The following PDE1C variants were observed in gnomAD, a reference collection of about 807,000 sequenced individuals.
The protein encoded by PDE1C is phosphodiesterase 1C, also known as dual specificity calcium/calmodulin-dependent 3',5'-cyclic nucleotide phosphodiesterase 1C.
Under a neutral mutation model 93.1 loss-of-function variants are expected in PDE1C, and 62 were observed. The observed-to-expected ratio is 0.67, with a 90% CI of 0.54 to 0.82. The LOEUF is 0.82. Ranked by LOEUF, PDE1C falls within the 40% of genes least tolerant of loss-of-function variation. The pLI, the probability that PDE1C is intolerant of heterozygous loss-of-function variation, is 0.00. For missense variants in PDE1C, 742 were observed against 884.6 expected (o/e 0.84, Z 2.04); for synonymous variants, 325 against 310.1 (o/e 1.05, Z -0.50).
chr7:31,861,502 G>T (rs1464861128), intron 7 of PDE1C, among the ~76,000 whole-genome samples: 1 of 151,854 alleles, frequency 6.6e-6, no homozygotes, highest in Non-Finnish European at 1.5e-5. Flanking sequence ...GTCTACTACG[G>T]ATCTTAAACT....
At chr7:31,884,088 G>A (rs1271144408) in intron 2 of PDE1C, among the ~76,000 whole-genome samples, 2 of 152,182 alleles carry the variant, frequency 1.3e-5, no homozygotes, top group Admixed American at 1.3e-4. Context: ...CTTATGAGAT[G>A]AGCAGAAGAT....
At chr7:32,324,647 T>G (rs1161764275) in intron 1 of PDE1C, among the ~76,000 whole-genome samples, 1 of 152,048 alleles carries the variant, frequency 6.6e-6, no homozygotes, top group Non-Finnish European at 1.5e-5. Context: ...CTCCTCAGAG[T>G]CTTTAAGATG....
At chr7:31,825,200 G>C (rs920375106) in intron 12 of PDE1C, among the ~76,000 whole-genome samples, 1 of 152,120 alleles carries the variant, frequency 6.6e-6, no homozygotes, top group Non-Finnish European at 1.5e-5. Flanking sequence ...GTTCAATAAA[G>C]TGCCTAAGAA....
chr7:32,200,596 T>C (rs928255988), intron 2 of PDE1C, among the ~76,000 whole-genome samples: 1 of 152,258 alleles, frequency 6.6e-6, no homozygotes, highest in African/African-American at 2.4e-5. Context: ...CTACCCATTT[T>C]GCTCAAAAAC....
At position 32,427,893 on chromosome 7, in the gene PDE1C, TC is replaced by T; in HGVS notation, c.238del (p.Glu80SerfsTer6). ...CTCACGCTTCAGCACCGGGGACAGC[TC>T]CTGCCTCGCCAACTTCGGCAGCTCT... is the stretch of plus-strand genomic sequence containing the variant. On this transcript the variant is annotated frameshift_variant, in exon 1 of 2. Transcript: ENST00000672256. LOFTEE classifies it high-confidence loss of function. The T allele has an allele frequency of 6.6e-6, 1 of 152,346 alleles. No individual in the cohort carries two copies. The highest frequency in any genetic ancestry group is 2.4e-5 in the African/African-American group (1 of 41,554). 9.4% of individuals were successfully genotyped at this position (152,346 alleles called of 1,614,324 possible).
chr7:31,778,966 C>G (rs746337338), intron 16 of PDE1C, among the ~76,000 whole-genome samples: 3 of 152,162 alleles, frequency 2.0e-5, no homozygotes, highest in Non-Finnish European at 4.4e-5. Flanking sequence ...TCTTAACCAA[C>G]CCATTGTCTG....
At chr7:32,296,960 G>A (rs1355370901) in intron 1 of PDE1C, among the ~76,000 whole-genome samples, 2 of 152,192 alleles carry the variant, frequency 1.3e-5, no homozygotes, top group African/African-American at 4.8e-5. Context: ...TCAAGGCAGG[G>A]TGTGAGCTCC....
intron 2 of PDE1C, among the ~76,000 whole-genome samples, chr7:31,883,904 C>G (rs1319186518): frequency 1.3e-5 from 2 of 152,198 alleles, no homozygotes; most frequent in African/African-American, 4.8e-5. Flanking sequence ...AGACATTAGG[C>G]AGTCACATTT....
chr7:31,779,706 CG>C (rs921779688), intron 16 of PDE1C, among the ~76,000 whole-genome samples: 1 of 152,058 alleles, frequency 6.6e-6, no homozygotes, highest in South Asian at 2.1e-4. Flanking sequence ...GGGCCATTGG[CG>C]GGGGGTTAGG....
At chr7:32,070,521 C>T, upstream of PDE1C, 1 of 1,503,832 alleles carries the variant, frequency 6.6e-7, no homozygotes, top group Non-Finnish European at 8.9e-7. Context: ...TCTCGGCGCG[C>T]TCCCCCTTCT....
chr7:32,245,963 CTTTTCT>C (rs1360982196), intron 1 of PDE1C, among the ~76,000 whole-genome samples: 1 of 130,994 alleles, frequency 7.6e-6, no homozygotes. Context: ...TTTTCTTTTT[CTTTTCT>C]TTTTTTTTTT....
At chr7:32,110,540 A>C (rs573893725) in intron 3 of PDE1C, among the ~76,000 whole-genome samples, 1 of 152,260 alleles carries the variant, frequency 6.6e-6, no homozygotes, top group Non-Finnish European at 1.5e-5. Flanking sequence ...CACCACTCTA[A>C]TAAGATGCCA....
the PDE1C span, among the ~76,000 whole-genome samples, chr7:31,720,530 C>A: frequency 6.6e-6 from 1 of 152,146 alleles, no homozygotes; most frequent in African/African-American, 2.4e-5. Context: ...TTTGATATAA[C>A]CTGTGCATTT....
At chr7:32,002,869 A>T (rs1785664645) in intron 2 of PDE1C, among the ~76,000 whole-genome samples, 2 of 152,204 alleles carry the variant, frequency 1.3e-5, no homozygotes, top group South Asian at 4.1e-4. Flanking sequence ...GGAATGAAAA[A>T]GTTTAAATCA....
chr7:32,108,246 A>AAAG (rs1374539842), intron 3 of PDE1C, among the ~76,000 whole-genome samples: 1 of 150,140 alleles, frequency 6.7e-6, no homozygotes, highest in African/African-American at 2.4e-5. Flanking sequence ...AAAAAAAAAA[A>AAAG]AGCAAGACCT....
intron 1 of PDE1C, among the ~76,000 whole-genome samples, chr7:32,424,714 A>C (rs909792307): frequency 1.3e-5 from 2 of 152,158 alleles, no homozygotes; most frequent in Non-Finnish European, 2.9e-5. Flanking sequence ...CAGGAGGCTG[A>C]AATAGGAGGA....
chr7:32,278,263 C>T (rs76852897), intron 1 of PDE1C, among the ~76,000 whole-genome samples: 6,101 of 152,082 alleles, frequency 0.04, 443 homozygotes, highest in African/African-American at 0.14. Context: ...GGAAAACAGA[C>T]TCTCCAAGTT....
the PDE1C span, among the ~76,000 whole-genome samples, chr7:31,699,405 T>G: frequency 6.6e-6 from 1 of 152,220 alleles, no homozygotes; most frequent in Non-Finnish European, 1.5e-5. Context: ...TTTTTGGCAG[T>G]ATTCTGTCTT....
At chr7:32,068,668 T>C (rs1464973298) in intron 1 of PDE1C, among the ~76,000 whole-genome samples, 2 of 152,232 alleles carry the variant, frequency 1.3e-5, no homozygotes, top group Non-Finnish European at 2.9e-5. Flanking sequence ...GCTAATGCTT[T>C]TCCACACAAG....
Sources: allele counts gnomAD v4.1 joint callset (sites outside exome capture counted in the v4.1 genomes callset), GRCh38; gene constraint gnomAD v4.1.1; transcripts MANE v1.5; gene names NCBI Gene and HGNC (gene_info 2026-07-23, HGNC 2026-07-21).